The following SLC51B variants were observed in gnomAD, a reference collection of about 807,000 sequenced individuals.
SLC51B encodes the protein SLC51 subunit beta.
SLC51B carries 6 observed loss-of-function variants against 8.0 expected under a neutral mutation model. That is an observed-to-expected ratio of 0.75 (90% confidence interval 0.41 to 1.48). The LOEUF is 1.48. Among genes scored for constraint, SLC51B ranks in the 40% most tolerant of loss-of-function variants. The pLI, the probability that SLC51B is intolerant of heterozygous loss-of-function variation, is 0.01. For missense variants in SLC51B, 150 were observed against 149.7 expected (o/e 1.00, Z -0.01); for synonymous variants, 61 against 54.8 (o/e 1.11, Z -0.50).
At chr15:65,050,269 C>T (rs1351501513) in intron 2 of SLC51B, among the ~76,000 whole-genome samples, 168 bp downstream of exon 2, 2 of 152,160 alleles carry the variant, frequency 1.3e-5, no homozygotes, top group South Asian at 2.1e-4. Context: ...CTGGCTGGAC[C>T]GCCCCTTCCT....
chr15:65,053,041 C>A lies in SLC51B; in HGVS notation c.264C>A (p.Ser88Arg). The A allele has an allele frequency of 6.2e-7, 1 of 1,613,994 alleles. No individual in the cohort carries two copies. Among genetic ancestry groups the A allele is most frequent in the Non-Finnish European group, 8.5e-7 (1 of 1,180,006 alleles). Residue 88 changes from serine to arginine, a missense_variant, in exon 4 of 4, where the codon AGC (serine) becomes AGA (arginine). Transcript: ENST00000334287. ...TGGATGAGGCCAAGGATCACAACAGCCTAAACAACCTAAGAGAAACTTTGC... is the reference window on the plus strand; with the variant it reads ...TGGATGAGGCCAAGGATCACAACAGACTAAACAACCTAAGAGAAACTTTGC... ...LHLDEAKDHN[S>R]LNNLRETLLS... is the part of the protein sequence containing the mutation.
intron 2 of SLC51B, 44 bp from the exon 3 acceptor site, chr15:65,051,471 G>A (rs540288056): frequency 5.0e-6 from 8 of 1,592,842 alleles, no homozygotes; most frequent in Middle Eastern, 1.7e-4. Flanking sequence ...CTTGAGAGGT[G>A]CCTGGCCATT....
intron 3 of SLC51B, 119 bp downstream of exon 3, chr15:65,051,724 C>A: frequency 3.6e-6 from 3 of 822,426 alleles, no homozygotes; most frequent in Non-Finnish European, 5.9e-6. Flanking sequence ...TTTGGGACAG[C>A]AAAATTCAGC....
At chr15:65,046,687 C>T (rs2086581609) in intron 1 of SLC51B, among the ~76,000 whole-genome samples, 1 of 152,050 alleles carries the variant, frequency 6.6e-6, no homozygotes, top group Non-Finnish European at 1.5e-5. Flanking sequence ...ACAAGGTGGG[C>T]AGGTCGCTTG....
chr15:65,052,923 A>G (rs748912321), intron 3 of SLC51B, 43 bp from the exon 4 acceptor site: 4 of 1,590,874 alleles, frequency 2.5e-6, no homozygotes, highest in Non-Finnish European at 3.4e-6. Flanking sequence ...TCCTGCCCCA[A>G]CCACTCAGCC....
chr15:65,052,825 T>C (rs1044056890), intron 3 of SLC51B, 141 bp from the exon 4 acceptor site: 29 of 688,710 alleles, frequency 4.2e-5, no homozygotes, highest in Non-Finnish European at 6.3e-5. Flanking sequence ...TGAAGGAATA[T>C]CCAACCATTG....
chr15:65,047,375 C>T (rs1407579963), intron 1 of SLC51B, among the ~76,000 whole-genome samples: 5 of 151,262 alleles, frequency 3.3e-5, no homozygotes, highest in Non-Finnish European at 7.4e-5. Context: ...ACAAAATATA[C>T]ATAGAAATAT....
intron 1 of SLC51B, among the ~76,000 whole-genome samples, chr15:65,047,788 C>T (rs986437286): frequency 8.2e-6 from 1 of 122,100 alleles, no homozygotes; most frequent in African/African-American, 3.3e-5. Flanking sequence ...ACAGATAGAT[C>T]GATAGATGAT....
Position 65,051,598 on chromosome 15 carries a change from G to C in SLC51B, c.181G>C (p.Ala61Pro). The C allele has an allele frequency of 1.2e-6, 2 of 1,613,238 alleles. No homozygotes were observed. ...SMVLLGRSIQ[A>P]SRKEKMQPPE... ...GGTCCTCCTGGGAAGAAGCATCCAG[G>C]CAAGCAGGTGAGGAGCTGGTCCTGG... The change falls in exon 3 of 4, where the codon GCA (alanine) becomes CCA (proline). Residue 61 changes from alanine (A) to proline (P), a missense_variant. Ala to Pro is a conservative substitution (Grantham distance 27). Coordinates refer to ENST00000334287, the MANE Select transcript of SLC51B (RefSeq NM_178859.4).
rs2086679949 is a variant in SLC51B at position 65,053,271 on chromosome 15, T to C, written c.*107T>C. 2 of 1,449,158 alleles carry C rather than the reference T, an allele frequency of 1.4e-6. No homozygotes were observed. The highest frequency in any genetic ancestry group is 2.9e-5 in the African/African-American group (2 of 69,574). 89.8% of individuals were successfully genotyped at this position (1,449,158 alleles called of 1,614,324 possible). On this transcript the variant is annotated 3_prime_UTR_variant, in exon 4 of 4. Transcript: ENST00000334287. ...AGTCTCTCCCAAGAAGCCGCTTTTTTCTTTTTCTTTCTTTCTTTTTTTTTT... is the reference window on the plus strand; with the variant it reads ...AGTCTCTCCCAAGAAGCCGCTTTTTCCTTTTTCTTTCTTTCTTTTTTTTTT...
intron 1 of SLC51B, among the ~76,000 whole-genome samples, chr15:65,048,159 C>T (rs866902820): frequency 1.1e-4 from 16 of 148,734 alleles, no homozygotes; most frequent in South Asian, 6.4e-4. Flanking sequence ...CCAGCCTGGG[C>T]GACAGAGCAA....
Position 65,050,022 on chromosome 15 carries a change from G to A in SLC51B, c.18G>A (p.Gly6=). 6.4e-7 allele frequency: 1 copy of A among 1,551,480 alleles called. No individual in the cohort carries two copies. Among genetic ancestry groups the A allele is most frequent in the South Asian group, 1.2e-5 (1 of 84,012 alleles). MEHSE[G]APGDPAGTVV... Reference sequence around the variant, plus strand: ...GCAGGGGCATGGAGCACAGTGAGGGGGCTCCCGGAGACCCAGCCGGTACTG... The same window carrying A: ...GCAGGGGCATGGAGCACAGTGAGGGAGCTCCCGGAGACCCAGCCGGTACTG... The change falls in exon 2 of 4, where the codon GGG becomes GGA. Residue 6 remains glycine, a synonymous_variant. Transcript: ENST00000334287.
intron 3 of SLC51B, among the ~76,000 whole-genome samples, 162 bp downstream of exon 3, chr15:65,051,767 AAAAC>A (rs58082384): frequency 6.7e-5 from 10 of 150,374 alleles, no homozygotes; most frequent in African/African-American, 1.5e-4. Flanking sequence ...CAAGCTGTTA[AAAAC>A]AAACAAACAA....
chr15:65,047,190 G>A (rs578229523), intron 1 of SLC51B, among the ~76,000 whole-genome samples: 2 of 151,870 alleles, frequency 1.3e-5, no homozygotes, highest in Admixed American at 1.3e-4. Flanking sequence ...ACAAAAATTA[G>A]CCAGGTGTGG....
At chr15:65,050,836 C>CTTTTTTT (rs57404080) in intron 2 of SLC51B, among the ~76,000 whole-genome samples, 4 of 95,648 alleles carry the variant, frequency 4.2e-5, no homozygotes, top group Admixed American at 1.4e-4. Context: ...TCTTCTTCTT[C>CTTTTTTT]TTTTTTTTTT....
intron 3 of SLC51B, among the ~76,000 whole-genome samples, chr15:65,052,011 G>A (rs1408189425): frequency 3.3e-5 from 5 of 152,156 alleles, no homozygotes; most frequent in Non-Finnish European, 7.3e-5. Flanking sequence ...GCTTACCACC[G>A]CTGGGTCCCT....
At chr15:65,047,914 C>T (rs1041634930) in intron 1 of SLC51B, among the ~76,000 whole-genome samples, 1 of 152,140 alleles carries the variant, frequency 6.6e-6, no homozygotes, top group Non-Finnish European at 1.5e-5. Context: ...CACGGTGGCT[C>T]AGGCCTGTAT....
intron 2 of SLC51B, among the ~76,000 whole-genome samples, chr15:65,050,810 CTTTT>C (rs111590431): frequency 3.1e-4 from 39 of 127,794 alleles, no homozygotes; most frequent in African/African-American, 1.1e-3. Flanking sequence ...TCTTTCTTTC[CTTTT>C]TTTTTCTTTC....
In SLC51B at chr15:65,050,635, G is replaced by A. The variant is rs867345733; in HGVS notation, c.97+534G>A. 6.6e-5 allele frequency among the ~76,000 whole-genome samples: 10 copies of A among 152,204 alleles called. 1 individual carries two copies. Among genetic ancestry groups the A allele is most frequent in the Middle Eastern group, 3.4e-3 (1 of 294 alleles). On this transcript the variant is annotated intron_variant, in intron 2 of 3. Coordinates refer to ENST00000334287, the MANE Select transcript of SLC51B (RefSeq NM_178859.4). Reference sequence around the variant, plus strand: ...ATAATTAGGTATGCAAATTATTTGGGGGAGGAACATTCCTGGAGGGAGGAC... The same window carrying A: ...ATAATTAGGTATGCAAATTATTTGGAGGAGGAACATTCCTGGAGGGAGGAC...
Sources: gnomAD v4.1 joint callset for allele counts (sites outside exome capture counted in the v4.1 genomes callset) on GRCh38, gnomAD v4.1.1 for gene constraint, MANE v1.5 for transcripts, NCBI Gene and HGNC (gene_info 2026-07-23, HGNC 2026-07-21) for gene names.